Variants in CEMIP observed in about 807,000 individuals in gnomAD.
CEMIP encodes the protein cell migration-inducing and hyaluronan-binding protein.
Under a neutral mutation model 156.9 loss-of-function variants are expected in CEMIP, and 105 were observed. The observed-to-expected ratio is 0.67, with a 90% CI of 0.57 to 0.79. The LOEUF (loss-of-function observed/expected upper bound fraction) is 0.79, where lower values mean the gene tolerates loss of function less well. Ranked by LOEUF, CEMIP falls within the 30% of genes least tolerant of loss-of-function variation. The pLI is 0.00. For missense variants in CEMIP, 1,457 were observed against 1,769.4 expected (o/e 0.82, Z 3.17); for synonymous variants, 676 against 668.4 (o/e 1.01, Z -0.17).
rs772279081 is a variant in CEMIP, at chr15:80,920,262, T to C, written c.1966T>C (p.Tyr656His). Reference protein sequence around the residue: ...KMCKMITEDSYPGYIPKPRQD... With the variant: ...KMCKMITEDSHPGYIPKPRQD... ...GTGCAAGATGATCACAGAGGACTCC[T>C]ACCCGGGGTACATCCCCAAGCCCAG... The change falls in exon 15 of 30, where the codon TAC becomes CAC. Residue 656 changes from tyrosine to histidine, a missense_variant. Transcript: ENST00000394685. 3.1e-6 allele frequency: 5 copies of C among 1,614,032 alleles called. No homozygotes were observed. In the Admixed American group the frequency reaches 8.3e-5, roughly 27 times the overall value.
intron 22 of CEMIP, 33 bp from the exon 23 acceptor site, chr15:80,933,212 T>G: frequency 1.3e-6 from 2 of 1,582,174 alleles, no homozygotes; most frequent in Non-Finnish European, 1.7e-6. Flanking sequence ...CTTCACCTTC[T>G]AGCCCTGCCT....
chr15:80,887,670 T>C, intron 7 of CEMIP, 24 bp from the exon 8 acceptor site: 1 of 1,591,192 alleles, frequency 6.3e-7, no homozygotes, highest in Middle Eastern at 1.7e-4. Context: ...ACTTTACTTT[T>C]TGTTATGTTT....
In CEMIP at chr15:80,899,006, A is replaced by T. The variant is rs569582289; in HGVS notation, c.1411+2946A>T. Reference sequence around the variant, plus strand: ...GAGGCAGATGGATCACAAGGTCAAGAGTTCGAGACCAGCCTGGCCAACATG... The same window carrying T: ...GAGGCAGATGGATCACAAGGTCAAGTGTTCGAGACCAGCCTGGCCAACATG... On this transcript the variant is annotated intron_variant, in intron 12 of 29. Coordinates refer to ENST00000394685, the MANE Select transcript of CEMIP (RefSeq NM_001293298.2). 2.6e-5 allele frequency among the ~76,000 whole-genome samples: 4 copies of T among 152,272 alleles called. No individual in the cohort carries two copies. The South Asian group carries it at 8.3e-4, about 32-fold the overall frequency.
chr15:80,856,631 A>G (rs1486499339), intron 1 of CEMIP, among the ~76,000 whole-genome samples: 1 of 152,178 alleles, frequency 6.6e-6, no homozygotes, highest in African/African-American at 2.4e-5. Context: ...TTATGCAGTC[A>G]GGAACTGTCA....
intron 1 of CEMIP, among the ~76,000 whole-genome samples, chr15:80,816,147 C>A (rs1896783644): frequency 6.6e-6 from 1 of 152,142 alleles, no homozygotes. Flanking sequence ...GATTTCAGGG[C>A]AAAGTGGGTA....
At chr15:80,881,593 C>T (rs1023201711) in intron 6 of CEMIP, among the ~76,000 whole-genome samples, 1 of 152,132 alleles carries the variant, frequency 6.6e-6, no homozygotes, top group African/African-American at 2.4e-5. Flanking sequence ...GGAAAGGCCA[C>T]CAGAGTTGTG....
At chr15:80,915,537 G>A (rs1900237158) in intron 14 of CEMIP, among the ~76,000 whole-genome samples, 1 of 152,280 alleles carries the variant, frequency 6.6e-6, no homozygotes, top group South Asian at 2.1e-4. Context: ...CATTGGCCCA[G>A]GGCTTTTACT....
chr15:80,929,260 C>T, intron 21 of CEMIP, 86 bp downstream of exon 21: 1 of 1,494,430 alleles, frequency 6.7e-7, no homozygotes, highest in Non-Finnish European at 9.3e-7. Context: ...TGGGTAGTTT[C>T]TACCTGTTGA....
At chr15:80,880,612 C>T (rs58407718) in intron 5 of CEMIP, among the ~76,000 whole-genome samples, 4,712 of 152,174 alleles carry the variant, frequency 0.031, 240 homozygotes, top group African/African-American at 0.11. Context: ...ATTCTTGTAT[C>T]TTTAGTAGAG....
intron 1 of CEMIP, among the ~76,000 whole-genome samples, chr15:80,844,909 C>T (rs1408549193): frequency 1.3e-5 from 2 of 152,172 alleles, no homozygotes; most frequent in Non-Finnish European, 2.9e-5. Context: ...AGCCCCAGAA[C>T]CGAGCACTCA....
rs895613436 is a variant in CEMIP at position 80,933,173 on chromosome 15, G to C, written c.2794-72G>C. 2.9e-5 allele frequency: 39 copies of C among 1,349,910 alleles called. No homozygotes were observed. In the African/African-American group the frequency reaches 5.5e-4, roughly 19 times the overall value. The allele number at this position is 1,349,910 out of a possible 1,614,324, so 83.6% of individuals were successfully genotyped here. The stretch of plus-strand genomic sequence containing the variant: ...AACGTCAGTGGAAATCGGAAACCTC[G>C]CCCTGGCCTGATGACGGCTGCAGTT... On this transcript the variant is annotated intron_variant, in intron 22 of 29. Coordinates refer to ENST00000394685, the MANE Select transcript of CEMIP (RefSeq NM_001293298.2).
rs58855328 is a variant in CEMIP at position 80,832,322 on chromosome 15, CTGTG to C, written c.-175-41180_-175-41177del. Among the ~76,000 whole-genome samples the C allele has an allele frequency of 5.5e-3, 706 of 128,098 alleles. 5 individuals are homozygous for C. The highest frequency in any genetic ancestry group is 0.015 in the African/African-American group (503 of 33,540). 84.0% of individuals were successfully genotyped at this position (128,098 alleles called of 152,430 possible). ...CTGGAGCTTTGGTTTAAAATAAACT[CTGTG>C]TGTGTGTGTGTGTGTGTGTGTGTGT... is the stretch of plus-strand genomic sequence containing the variant. On this transcript the variant is annotated intron_variant, in intron 1 of 29. Coordinates refer to ENST00000394685, the MANE Select transcript of CEMIP (RefSeq NM_001293298.2).
In CEMIP at chr15:80,925,736, G is replaced by A. The variant is rs1292267253; in HGVS notation, c.2401G>A (p.Val801Met). ...CGGGGCCTGGCTGCGCGGCGGGGAT[G>A]TGTGGCTGGACAGCTGCCGGTGAGT... ...DHGAWLRGGD[V>M]WLDSCRFADN... The change falls in exon 19 of 30, where the codon GTG becomes ATG. Residue 801 changes from valine (V) to methionine (M), a missense_variant. This residue lies in a region of CEMIP where 798 missense variants were observed against 980.1 expected (regional missense o/e 0.81). Coordinates refer to ENST00000394685, the MANE Select transcript of CEMIP (RefSeq NM_001293298.2). 1.2e-6 allele frequency: 2 copies of A among 1,612,974 alleles called. No homozygotes were observed. Among genetic ancestry groups the A allele is most frequent in the South Asian group, 2.2e-5 (2 of 91,066 alleles).
intron 17 of CEMIP, 145 bp downstream of exon 17, chr15:80,922,282 T>C: frequency 9.2e-7 from 1 of 1,084,578 alleles, no homozygotes; most frequent in Non-Finnish European, 1.4e-6. Flanking sequence ...TGGAGCAGCC[T>C]TGCGAGGCCT....
chr15:80,935,975 T>A (rs1423440891), intron 23 of CEMIP, among the ~76,000 whole-genome samples: 1 of 152,184 alleles, frequency 6.6e-6, no homozygotes, highest in Non-Finnish European at 1.5e-5. Flanking sequence ...CAACCTCAGG[T>A]GATCCACCCG....
At chr15:80,834,333 TA>T (rs1159803305) in intron 1 of CEMIP, among the ~76,000 whole-genome samples, 3 of 152,234 alleles carry the variant, frequency 2.0e-5, no homozygotes, top group Non-Finnish European at 2.9e-5. Context: ...CAATCTTTTT[TA>T]AAATTGTTAG....
chr15:80,800,021 A>ATGTGTGTGTCTGTGTGTG, intron 1 of CEMIP, among the ~76,000 whole-genome samples: 1 of 124,904 alleles, frequency 8.0e-6, no homozygotes, highest in South Asian at 2.9e-4. Context: ...AGCTAATTTT[A>ATGTGTGTGTCTGTGTGTG]TGTGTGTGTG....
At chr15:80,832,128 C>T (rs969094581) in intron 1 of CEMIP, among the ~76,000 whole-genome samples, 11 of 152,186 alleles carry the variant, frequency 7.2e-5, no homozygotes, top group African/African-American at 1.9e-4. Context: ...CCTTCCAAGT[C>T]GGCTGGCCTG....
chr15:80,933,477 G>A lies in CEMIP; in HGVS notation c.3009+17G>A. The A allele has an allele frequency of 6.2e-7, 1 of 1,601,334 alleles. No individual in the cohort carries two copies. The highest frequency in any genetic ancestry group is 1.7e-5 in the Admixed American group (1 of 59,976). ...TATGCACAGGTGGGGACACCATTCT[G>A]GGGGCCGGCCACTCACTTATTCACT... On this transcript the variant is annotated intron_variant, in intron 23 of 29. Transcript: ENST00000394685.
Sources: allele counts gnomAD v4.1 joint callset (sites outside exome capture counted in the v4.1 genomes callset), GRCh38; gene constraint gnomAD v4.1.1; regional missense constraint gnomAD v4.1.1; transcripts MANE v1.5; gene names NCBI Gene and HGNC (gene_info 2026-07-23, HGNC 2026-07-21).